The following MAML2 variants were observed in gnomAD, a reference collection of about 807,000 sequenced individuals.
MAML2 encodes mastermind-like protein 2.
In MAML2, 22 loss-of-function variants were observed where a neutral mutation model predicts 96.1. The observed-to-expected ratio is 0.23, with a 90% CI of 0.16 to 0.33. MAML2 has a LOEUF of 0.33. Among genes scored for constraint, MAML2 ranks in the 10% least tolerant of loss-of-function variants. The pLI is 1.00. For synonymous variants in MAML2, 561 were observed against 521.3 expected, an observed-to-expected ratio of 1.08 and a Z score of -1.04; for missense variants, 1,367 against 1,392.4, an observed-to-expected ratio of 0.98 and a Z score of 0.29.
intron 2 of MAML2, among the ~76,000 whole-genome samples, chr11:96,011,729 CA>C (rs1003645187): frequency 1.3e-5 from 2 of 151,796 alleles, no homozygotes; most frequent in Non-Finnish European, 2.9e-5. Flanking sequence ...AACAAGCAAA[CA>C]AAAAAATGGT....
intron 1 of MAML2, among the ~76,000 whole-genome samples, chr11:96,338,842 T>G (rs910830850): frequency 6.6e-6 from 1 of 152,154 alleles, no homozygotes; most frequent in Non-Finnish European, 1.5e-5. Flanking sequence ...AAAGGCCCTT[T>G]TAAAATTAAT....
chr11:95,990,082 G>C (rs778858103), intron 3 of MAML2, among the ~76,000 whole-genome samples: 6 of 152,030 alleles, frequency 3.9e-5, no homozygotes, highest in Non-Finnish European at 5.9e-5. Context: ...ACTTCTTTGG[G>C]AGACTATCCT....
intron 1 of MAML2, among the ~76,000 whole-genome samples, chr11:96,187,013 C>G (rs1349562317): frequency 6.6e-6 from 1 of 152,196 alleles, no homozygotes; most frequent in East Asian, 1.9e-4. Context: ...CTAGAGGCTT[C>G]CTTGCTACTG....
chr11:96,139,243 C>T (rs895777226), intron 1 of MAML2, among the ~76,000 whole-genome samples: 9 of 152,042 alleles, frequency 5.9e-5, no homozygotes, highest in South Asian at 2.1e-4. Context: ...TGTGGGAGGC[C>T]GAGGCGGGCA....
intron 2 of MAML2, among the ~76,000 whole-genome samples, chr11:96,034,424 TGTGTGTGTGAGA>T (rs1469224043): frequency 4.0e-5 from 4 of 99,818 alleles, no homozygotes; most frequent in Non-Finnish European, 8.1e-5. Context: ...TGTGTGTGTG[TGTGTGTGTGAGA>T]GAGAGAGAGA....
chr11:96,125,181 C>T (rs1860418569), intron 1 of MAML2, among the ~76,000 whole-genome samples: 1 of 152,026 alleles, frequency 6.6e-6, no homozygotes, highest in South Asian at 2.1e-4. Context: ...TATACAGATT[C>T]TTAGGGGTAG....
intron 2 of MAML2, among the ~76,000 whole-genome samples, chr11:96,028,090 T>C (rs982868596): frequency 1.3e-5 from 2 of 152,222 alleles, no homozygotes; most frequent in Admixed American, 1.3e-4. Context: ...TGTCTAGTTG[T>C]CTGCATCTTT....
At chr11:96,097,013 C>T (rs1469000927) in intron 1 of MAML2, among the ~76,000 whole-genome samples, 2 of 52,130 alleles carry the variant, frequency 3.8e-5, no homozygotes, top group Non-Finnish European at 9.5e-5. Flanking sequence ...GTTATATCAC[C>T]GAGGCCCACT....
At chr11:96,024,852 C>T (rs1362577995) in intron 2 of MAML2, among the ~76,000 whole-genome samples, 1 of 152,198 alleles carries the variant, frequency 6.6e-6, no homozygotes, top group Non-Finnish European at 1.5e-5. Flanking sequence ...CCACATGCAG[C>T]TCTGATGCCA....
chr11:96,074,235 G>T (rs1456129909), intron 2 of MAML2, among the ~76,000 whole-genome samples: 1 of 152,218 alleles, frequency 6.6e-6, no homozygotes, highest in Non-Finnish European at 1.5e-5. Context: ...CTGCTTGCAT[G>T]CAGTCACCCA....
intron 1 of MAML2, among the ~76,000 whole-genome samples, chr11:96,115,033 C>T (rs1442463429): frequency 2.6e-5 from 4 of 152,028 alleles, no homozygotes; most frequent in African/African-American, 4.8e-5. Context: ...GGAGAGGACA[C>T]GGAAGTTCAT....
chr11:96,147,756 T>G (rs1016367573), intron 1 of MAML2, among the ~76,000 whole-genome samples: 7 of 152,262 alleles, frequency 4.6e-5, no homozygotes, highest in Non-Finnish European at 1.0e-4. Flanking sequence ...TTAGAGATGA[T>G]GTAGTTTTTT....
chr11:96,211,270 T>C (rs1861967237), intron 1 of MAML2, among the ~76,000 whole-genome samples: 1 of 152,082 alleles, frequency 6.6e-6, no homozygotes, highest in South Asian at 2.1e-4. Flanking sequence ...TTATGGGGTG[T>C]TAGGTGAATT....
At chr11:96,239,499 C>T (rs1862404793) in intron 1 of MAML2, among the ~76,000 whole-genome samples, 1 of 152,156 alleles carries the variant, frequency 6.6e-6, no homozygotes, top group African/African-American at 2.4e-5. Flanking sequence ...GTCCTAAAAA[C>T]TGAGGCTGGA....
intron 1 of MAML2, among the ~76,000 whole-genome samples, chr11:96,302,666 AT>A (rs1863404634): frequency 6.6e-6 from 1 of 152,096 alleles, no homozygotes; most frequent in Non-Finnish European, 1.5e-5. Context: ...CATTTTCTAA[AT>A]TTGGTTATTT....
chr11:96,070,711 G>T (rs1022181220), intron 2 of MAML2, among the ~76,000 whole-genome samples: 1 of 152,266 alleles, frequency 6.6e-6, no homozygotes, highest in African/African-American at 2.4e-5. Flanking sequence ...TCGGTAGTGT[G>T]AGCTGAGCAC....
chr11:96,032,843 C>T (rs1858640137), intron 2 of MAML2, among the ~76,000 whole-genome samples: 5 of 152,160 alleles, frequency 3.3e-5, no homozygotes, highest in Admixed American at 2.6e-4. Context: ...CTGTACAACA[C>T]TACAGGGATA....
intron 1 of MAML2, among the ~76,000 whole-genome samples, chr11:96,287,940 G>A (rs1216542898): frequency 1.3e-5 from 2 of 152,164 alleles, no homozygotes; most frequent in Admixed American, 6.6e-5. Context: ...TTGCAATTTT[G>A]TGCAGTGGAA....
chr11:96,282,618 A>G (rs780285317), intron 1 of MAML2, among the ~76,000 whole-genome samples: 8 of 152,210 alleles, frequency 5.3e-5, no homozygotes, highest in Admixed American at 1.3e-4. Context: ...ACTCACTTCA[A>G]TTGCACAGGA....
Sources: allele counts gnomAD v4.1 joint callset (sites outside exome capture counted in the v4.1 genomes callset), GRCh38; gene constraint gnomAD v4.1.1; transcripts MANE v1.5; gene names NCBI Gene and HGNC (gene_info 2026-07-23, HGNC 2026-07-21).